DENND2B: variants seen among roughly 807,000 people sequenced by gnomAD.
DENND2B encodes DENN domain-containing protein 2B.
DENND2B carries 32 observed loss-of-function variants against 116.0 expected under a neutral mutation model. The ratio of observed to expected loss-of-function variants is 0.28; its 90% CI spans 0.21 to 0.37. The LOEUF (loss-of-function observed/expected upper bound fraction) is 0.37. DENND2B is among the 10% of genes least tolerant of loss of function. DENND2B has a pLI of 1.00. For synonymous variants in DENND2B, 588 were observed against 583.9 expected (o/e 1.01, Z -0.10); for missense variants, 1,276 against 1,477.7 (o/e 0.86, Z 2.24).
intron 1 of DENND2B, among the ~76,000 whole-genome samples, chr11:8,906,300 G>A (rs2064237142): frequency 6.7e-6 from 1 of 148,458 alleles, no homozygotes; most frequent in African/African-American, 2.5e-5. Flanking sequence ...CTGCCTCTCA[G>A]GTTCACGCCG....
Position 8,702,838 on chromosome 11 carries a change from C to A in DENND2B, c.2572-118G>T. Reference sequence around the variant, plus strand: ...CCAACCTGCTCTTTTCCAGGTCTCTCGTCTACCCTGCTATGCAGTAAACCC... The same window carrying A: ...CCAACCTGCTCTTTTCCAGGTCTCTAGTCTACCCTGCTATGCAGTAAACCC... On this transcript the variant is annotated intron_variant, in intron 13 of 19. Coordinates refer to ENST00000313726, the MANE Select transcript of DENND2B (RefSeq NM_213618.2). The surrounding 1 kb of genome is among the most constrained non-coding windows in gnomAD (Gnocchi z 4.6). The A allele has an allele frequency of 7.7e-7, 1 of 1,295,888 alleles. No individual in the cohort carries two copies. 80.3% of individuals were successfully genotyped at this position (1,295,888 alleles called of 1,614,324 possible).
At position 8,761,497 on chromosome 11, in the gene DENND2B, C is replaced by A. The variant is rs115779358; in HGVS notation, c.-25-10772G>T. ...TAGTCCTATCTTAGAGCAGCACCTT[C>A]ACTCTGGCCAGCCACATCTCACTGG... On this transcript the variant is annotated intron_variant, in intron 1 of 19. Transcript: ENST00000313726. Among the ~76,000 whole-genome samples, 304 of 152,330 alleles carry A rather than the reference C, an allele frequency of 2.0e-3. 3 individuals carry two copies. The highest frequency in any genetic ancestry group is 6.8e-3 in the African/African-American group (284 of 41,566).
chr11:8,770,734 C>G (rs1476071077), intron 1 of DENND2B, among the ~76,000 whole-genome samples: 8 of 152,136 alleles, frequency 5.3e-5, no homozygotes, highest in Non-Finnish European at 1.2e-4. Context: ...CTCTGTCACC[C>G]AGGCTGAAGT....
At chr11:8,750,822 T>A (rs116061400) in intron 1 of DENND2B, 97 bp from the exon 2 acceptor site, 2 of 1,071,110 alleles carry the variant, frequency 1.9e-6, no homozygotes, top group Non-Finnish European at 2.8e-6. Context: ...CAAGAGGGTG[T>A]CTGTGGCAGG....
rs145966017 is a variant in DENND2B at position 8,771,085 on chromosome 11, T to C, written c.-25-20360A>G. 2.0e-3 allele frequency among the ~76,000 whole-genome samples: 297 copies of C among 152,272 alleles called. 3 individuals are homozygous for C. Among genetic ancestry groups the C allele is most frequent in the African/African-American group, 6.9e-3 (286 of 41,550 alleles). On this transcript the variant is annotated intron_variant, in intron 1 of 19. Transcript: ENST00000313726. ...CAATCATTTCACAAGCACCTACCCT[T>C]TACTAAGCCCCATACTAGAGGCTTT...
chr11:8,855,036 C>T (rs1461778058), intron 3 of DENND2B, among the ~76,000 whole-genome samples: 1 of 115,940 alleles, frequency 8.6e-6, no homozygotes, highest in South Asian at 3.6e-4. Context: ...CCTAGCTACT[C>T]AAGAGGCTGA....
chr11:8,886,108 AT>A (rs1297724225), intron 1 of DENND2B, among the ~76,000 whole-genome samples: 1 of 151,786 alleles, frequency 6.6e-6, no homozygotes, highest in East Asian at 1.9e-4. Context: ...AATTTTTAAA[AT>A]TTTTTTGTAG....
chr11:8,857,879 A>T (rs571329543), intron 2 of DENND2B, among the ~76,000 whole-genome samples: 1 of 152,172 alleles, frequency 6.6e-6, no homozygotes, highest in South Asian at 2.1e-4. Context: ...TTCCACCTTT[A>T]AAAAAAAGTA....
chr11:8,819,761 T>C (rs2061695469), intron 4 of DENND2B, among the ~76,000 whole-genome samples: 1 of 152,208 alleles, frequency 6.6e-6, no homozygotes, highest in Admixed American at 6.5e-5. Flanking sequence ...TGAGGAATTG[T>C]CACAGATTAG....
intron 1 of DENND2B, among the ~76,000 whole-genome samples, chr11:8,807,320 T>G (rs2060955868): frequency 2.0e-5 from 3 of 152,190 alleles, no homozygotes; most frequent in Admixed American, 6.5e-5. Context: ...CCTCAGAGCC[T>G]CCCATCTCCC....
intron 1 of DENND2B, among the ~76,000 whole-genome samples, chr11:8,807,165 C>T (rs566634320): frequency 2.0e-5 from 3 of 152,294 alleles, no homozygotes; most frequent in South Asian, 2.1e-4. Context: ...CTGCCTCGGC[C>T]GACTCTCTTA....
At chr11:8,806,605 AACACACACACAC>A (rs71059180) in intron 1 of DENND2B, among the ~76,000 whole-genome samples, 6 of 118,494 alleles carry the variant, frequency 5.1e-5, no homozygotes, top group Non-Finnish European at 1.0e-4. Flanking sequence ...CTCCCTTCAA[AACACACACACAC>A]ACACACACAC....
intron 2 of DENND2B, among the ~76,000 whole-genome samples, chr11:8,880,792 C>T (rs1048173849): frequency 6.6e-6 from 1 of 152,148 alleles, no homozygotes; most frequent in Non-Finnish European, 1.5e-5. Context: ...CTAGTGATTT[C>T]GATCCTCTTC....
At chr11:8,868,763 T>C (rs936789530) in intron 2 of DENND2B, among the ~76,000 whole-genome samples, 2 of 152,192 alleles carry the variant, frequency 1.3e-5, no homozygotes, top group East Asian at 1.9e-4. Flanking sequence ...TCTTGAAAGC[T>C]TTCCCCAGCA....
At chr11:8,733,435 T>C (rs1333211307) in intron 2 of DENND2B, among the ~76,000 whole-genome samples, 1 of 152,244 alleles carries the variant, frequency 6.6e-6, no homozygotes, top group Non-Finnish European at 1.5e-5. Flanking sequence ...AGTGAGCACC[T>C]ACTCTGTGCT....
intron 2 of DENND2B, among the ~76,000 whole-genome samples, chr11:8,735,694 G>C (rs1047865384): frequency 4.6e-5 from 7 of 152,332 alleles, no homozygotes; most frequent in East Asian, 1.9e-4. Flanking sequence ...AGTGGAGCTA[G>C]TTCAGCCACC....
At chr11:8,733,602 C>T (rs560588196) in intron 2 of DENND2B, among the ~76,000 whole-genome samples, 1 of 152,292 alleles carries the variant, frequency 6.6e-6, no homozygotes, top group Admixed American at 6.5e-5. Context: ...CCTGCTCAGG[C>T]ACTTTGATAT....
chr11:8,725,859 T>C (rs2047004350), intron 4 of DENND2B, among the ~76,000 whole-genome samples: 1 of 152,162 alleles, frequency 6.6e-6, no homozygotes, highest in Non-Finnish European at 1.5e-5. Context: ...CAAAGGTCCT[T>C]TGGATTTCAG....
chr11:8,789,928 T>C (rs1187600060), intron 1 of DENND2B, among the ~76,000 whole-genome samples: 1 of 152,136 alleles, frequency 6.6e-6, no homozygotes, highest in Non-Finnish European at 1.5e-5. Flanking sequence ...GCAAGTATTG[T>C]GGTTTTAAGC....
Sources: gnomAD v4.1 joint callset for allele counts (sites outside exome capture counted in the v4.1 genomes callset) on GRCh38, gnomAD v4.1.1 for gene constraint, Gnocchi (gnomAD v3.1) non-coding constraint, MANE v1.5 for transcripts, NCBI Gene and HGNC (gene_info 2026-07-23, HGNC 2026-07-21) for gene names.